Variants in SLC9A8 observed in about 807,000 individuals in gnomAD.
The protein encoded by SLC9A8 is solute carrier family 9 member A8.
SLC9A8 carries 48 observed loss-of-function variants against 66.6 expected under a neutral mutation model. The observed-to-expected ratio is 0.72, with a 90% CI of 0.57 to 0.92. The LOEUF is 0.92. SLC9A8 is among the 40% of genes least tolerant of loss of function. The probability of loss-of-function intolerance (pLI) is 0.00; values close to 1 mark genes in which losing one functional copy is unlikely to be tolerated. For missense variants in SLC9A8, 599 were observed against 747.3 expected, an observed-to-expected ratio of 0.80 and a Z score of 2.31; for synonymous variants, 274 against 282.6, an observed-to-expected ratio of 0.97 and a Z score of 0.31.
At chr20:49,817,486 TATTAGGACTGTTTATTAA>T (rs2086596656) in intron 2 of SLC9A8, among the ~76,000 whole-genome samples, 1 of 151,072 alleles carries the variant, frequency 6.6e-6, no homozygotes, top group Admixed American at 6.6e-5. Context: ...CTCTGATGTG[TATTAGGACTGTTTATTAA>T]GGAAAAGTAT....
chr20:49,865,161 TG>T (rs1400778747), intron 10 of SLC9A8, among the ~76,000 whole-genome samples: 1 of 152,226 alleles, frequency 6.6e-6, no homozygotes, highest in African/African-American at 2.4e-5. Context: ...TGAAGGTCCC[TG>T]TTTTACTGAT....
intron 14 of SLC9A8, 130 bp downstream of exon 14, chr20:49,884,196 C>G (rs2089736487): frequency 1.8e-6 from 1 of 556,788 alleles, no homozygotes; most frequent in Non-Finnish European, 3.2e-6. Context: ...CCTCCACACA[C>G]ACGACACACA....
At chr20:49,880,384 A>G (rs1226836736) in intron 12 of SLC9A8, among the ~76,000 whole-genome samples, 1 of 152,162 alleles carries the variant, frequency 6.6e-6, no homozygotes, top group Admixed American at 6.5e-5. Flanking sequence ...AAGCCGGGGC[A>G]TGTGGCCTCC....
chr20:49,822,331 A>G (rs1208319377), intron 2 of SLC9A8, among the ~76,000 whole-genome samples: 3 of 152,246 alleles, frequency 2.0e-5, no homozygotes. Flanking sequence ...AATCTGTTGC[A>G]GTTACATTTA....
Position 49,831,610 on chromosome 20 carries a change from C to T in SLC9A8, c.290-7931C>T, listed in dbSNP as rs147923120. On this transcript the variant is annotated intron_variant, in intron 3 of 15. Transcript: ENST00000361573. Reference sequence around the variant, plus strand: ...AGCGAAGAGGCTATAGTCATGTCCACGTCCCCCGCTGAATTCTCTGCAGGG... The same window carrying T: ...AGCGAAGAGGCTATAGTCATGTCCATGTCCCCCGCTGAATTCTCTGCAGGG... Among the ~76,000 whole-genome samples the T allele has an allele frequency of 9.4e-3, 1,426 of 152,280 alleles. 13 individuals are homozygous for T. The highest frequency in any genetic ancestry group is 0.015 in the Non-Finnish European group (1,034 of 68,012).
chr20:49,834,401 C>CTG lies in SLC9A8; in HGVS notation c.290-5136_290-5135dup, dbSNP rs1184120052. On this transcript the variant is annotated intron_variant, in intron 3 of 15. Coordinates refer to ENST00000361573, the MANE Select transcript of SLC9A8 (RefSeq NM_015266.3). ...TATATATACTGTGTATATATATATACTGTGTATATATATATACTGTATATA... is the reference window on the plus strand; with the variant it reads ...TATATATACTGTGTATATATATATACTGTGTGTATATATATATACTGTATATA... 3.2e-4 allele frequency among the ~76,000 whole-genome samples: 16 copies of CTG among 50,454 alleles called. 1 individual carries two copies. The East Asian group carries it at 0.01, about 32-fold the overall frequency. The allele number at this position is 50,454 out of a possible 152,430, so 33.1% of individuals were successfully genotyped here. A position where few individuals can be genotyped will look rare whatever the true frequency, so the allele number is the denominator to read the frequency against.
At chr20:49,845,658 G>A (rs1200753335) in intron 5 of SLC9A8, among the ~76,000 whole-genome samples, 1 of 151,802 alleles carries the variant, frequency 6.6e-6, no homozygotes, top group Non-Finnish European at 1.5e-5. Context: ...CCACTCCCTG[G>A]TCCAGCTTCT....
At chr20:49,838,896 G>T (rs558270784) in intron 3 of SLC9A8, among the ~76,000 whole-genome samples, 26 of 152,246 alleles carry the variant, frequency 1.7e-4, no homozygotes, top group Admixed American at 1.4e-3. Flanking sequence ...CCAACAGAGG[G>T]TTAAGAGTCG....
chr20:49,830,924 C>T (rs1278392321), intron 3 of SLC9A8: 15 of 862,254 alleles, frequency 1.7e-5, no homozygotes, highest in South Asian at 2.6e-5. Flanking sequence ...CTGATTTCTA[C>T]TGAAATACAT....
At chr20:49,843,208 G>A (rs1392668315) in intron 4 of SLC9A8, among the ~76,000 whole-genome samples, 2 of 151,996 alleles carry the variant, frequency 1.3e-5, no homozygotes, top group Non-Finnish European at 2.9e-5. Context: ...GGGGGGGCTA[G>A]TTTTTATACC....
chr20:49,841,312 A>T (rs1388270632), intron 4 of SLC9A8, among the ~76,000 whole-genome samples: 1 of 84,700 alleles, frequency 1.2e-5, no homozygotes, highest in Non-Finnish European at 2.5e-5. Flanking sequence ...CCCTGTCTCT[A>T]AAAAAAAAAA....
chr20:49,834,386 G>GTA lies in SLC9A8; in HGVS notation c.290-5154_290-5153insAT, dbSNP rs1305272959. 4.6e-4 allele frequency among the ~76,000 whole-genome samples: 17 copies of GTA among 37,220 alleles called. 2 individuals are homozygous for GTA. The South Asian group carries it at 5.6e-3, about 12-fold the overall frequency. The allele number at this position is 37,220 out of a possible 152,430, so 24.4% of individuals were successfully genotyped here. On this transcript the variant is annotated intron_variant, in intron 3 of 15. Coordinates refer to ENST00000361573, the MANE Select transcript of SLC9A8 (RefSeq NM_015266.3). Reference sequence around the variant, plus strand: ...TATACTGTGTATATATATATATACTGTGTATATATATATACTGTGTATATA... The same window carrying GTA: ...TATACTGTGTATATATATATATACTGTATGTATATATATATACTGTGTATATA...
chr20:49,830,372 C>A, intron 3 of SLC9A8: 1 of 857,338 alleles, frequency 1.2e-6, no homozygotes, highest in Non-Finnish European at 2.0e-6. Context: ...TGGGAAGAAC[C>A]CCTGCTGAAG....
chr20:49,855,502 C>T lies in SLC9A8; in HGVS notation c.634C>T (p.Leu212Phe). Residue 212 changes from leucine (L) to phenylalanine (F), a missense_variant, in exon 8 of 16, where the codon CTT becomes TTT. By Grantham distance (22) the Leu-to-Phe change is conservative (BLOSUM62 0). Transcript: ENST00000361573. ...PVATIAIFNA[L>F]HVDPVLNMLV... ...GGCCACTATTGCCATTTTCAATGCA[C>T]TTCATGTGGACCCCGTGCTCAACAT... 1.9e-6 allele frequency: 3 copies of T among 1,614,174 alleles called. No homozygotes were observed. Among genetic ancestry groups the T allele is most frequent in the Non-Finnish European group, 2.5e-6 (3 of 1,180,022 alleles).
chr20:49,827,824 T>A (rs1220445942), intron 3 of SLC9A8, among the ~76,000 whole-genome samples: 2 of 152,086 alleles, frequency 1.3e-5, no homozygotes, highest in African/African-American at 4.8e-5. Context: ...AGAAAAACTG[T>A]GATCTAACTT....
At chr20:49,829,292 G>A (rs2087064901) in intron 3 of SLC9A8, 4 of 153,892 alleles carry the variant, frequency 2.6e-5, no homozygotes. Flanking sequence ...GGCCAAGGTG[G>A]GCGGATCACG....
At position 49,819,266 on chromosome 20, in the gene SLC9A8, C is replaced by T. The variant is rs142860794; in HGVS notation, c.209-3795C>T. Among the ~76,000 whole-genome samples, 310 of 152,274 alleles carry T rather than the reference C, an allele frequency of 2.0e-3. 1 individual carries two copies. Among genetic ancestry groups the T allele is most frequent in the African/African-American group, 7.1e-3 (296 of 41,544 alleles). On this transcript the variant is annotated intron_variant, in intron 2 of 15. Coordinates refer to ENST00000361573, the MANE Select transcript of SLC9A8 (RefSeq NM_015266.3). ...TTATATATTTTCCATAGTCATTACT[C>T]CAGGCATGAAAAATTGAAAGCACAC...
At chr20:49,863,563 CATAA>C (rs2088836123) in intron 9 of SLC9A8, among the ~76,000 whole-genome samples, 2 of 152,118 alleles carry the variant, frequency 1.3e-5, no homozygotes, top group Non-Finnish European at 2.9e-5. Flanking sequence ...CTAAAAAATA[CATAA>C]ATAAAAATAA....
Position 49,855,568 on chromosome 20 carries a change from A to G in SLC9A8, c.700A>G (p.Ile234Val). ...GESILNDAVS[I>V]VLTNTAEGLT... ...AAGTATTCTCAACGATGCAGTCTCC[A>G]TTGTTCTGACCAAGTAAGTACGGGG... Residue 234 changes from isoleucine to valine, a missense_variant, in exon 8 of 16, where the codon ATT (isoleucine) becomes GTT (valine). By Grantham distance (29) the Ile-to-Val change is conservative. Transcript: ENST00000361573. The G allele has an allele frequency of 6.2e-7, 1 of 1,614,182 alleles. No homozygotes were observed. Among genetic ancestry groups the G allele is most frequent in the Non-Finnish European group, 8.5e-7 (1 of 1,180,010 alleles).
Sources: gnomAD v4.1 joint callset for allele counts (sites outside exome capture counted in the v4.1 genomes callset) on GRCh38, gnomAD v4.1.1 for gene constraint, MANE v1.5 for transcripts, NCBI Gene and HGNC (gene_info 2026-07-23, HGNC 2026-07-21) for gene names.